The following ADK variants were observed in gnomAD, a reference collection of about 807,000 sequenced individuals.
ADK encodes N6,N6-dimethyladenosine kinase.
In ADK, 24 loss-of-function variants were observed where a neutral mutation model predicts 44.7. The observed-to-expected ratio is 0.54, with a 90% CI of 0.39 to 0.76. ADK has a LOEUF of 0.76. ADK is among the 30% of genes least tolerant of loss of function. The pLI is 0.00. For synonymous variants in ADK, 128 were observed against 142.6 expected (o/e 0.90, Z 0.73); for missense variants, 321 against 425.1 (o/e 0.76, Z 2.15).
intron 6 of ADK, among the ~76,000 whole-genome samples, chr10:74,400,227 A>G (rs762038228): frequency 5.3e-5 from 8 of 152,164 alleles, no homozygotes; most frequent in Non-Finnish European, 7.4e-5. Flanking sequence ...AATGGATTTC[A>G]GTTGTTATCT....
chr10:74,472,793 A>G (rs1292065061), intron 6 of ADK, among the ~76,000 whole-genome samples: 1 of 152,220 alleles, frequency 6.6e-6, no homozygotes, highest in Non-Finnish European at 1.5e-5. Context: ...AAGTGGTCTC[A>G]TATAAAGAAC....
intron 6 of ADK, among the ~76,000 whole-genome samples, chr10:74,524,387 ATGAT>A (rs112681699): frequency 0.03 from 4,513 of 152,264 alleles, 190 homozygotes; most frequent in African/African-American, 0.091. Flanking sequence ...GTAACAAGTT[ATGAT>A]TGATTGATTG....
intron 1 of ADK, among the ~76,000 whole-genome samples, chr10:74,172,564 C>T (rs967419331): frequency 1.3e-5 from 2 of 151,838 alleles, no homozygotes; most frequent in African/African-American, 4.8e-5. Context: ...TGGCACATGC[C>T]TATAATCCCA....
intron 4 of ADK, chr10:74,371,995 T>C (rs1320170465): frequency 2.5e-6 from 2 of 800,918 alleles, no homozygotes; most frequent in Non-Finnish European, 4.4e-6. Flanking sequence ...GATTCTCCTC[T>C]GCACTTTGTG....
chr10:74,307,108 C>T (rs1248067984), intron 3 of ADK, among the ~76,000 whole-genome samples: 5 of 152,134 alleles, frequency 3.3e-5, no homozygotes, highest in Non-Finnish European at 1.5e-5. Flanking sequence ...CCCCCAAACC[C>T]CAGTGGAAAT....
At chr10:74,346,566 G>A (rs1841772491) in intron 4 of ADK, among the ~76,000 whole-genome samples, 1 of 152,148 alleles carries the variant, frequency 6.6e-6, no homozygotes, top group Non-Finnish European at 1.5e-5. Context: ...GTTTCATAAT[G>A]TAAAAGAGCA....
chr10:74,337,055 A>G (rs555040803), intron 4 of ADK, among the ~76,000 whole-genome samples: 62 of 152,214 alleles, frequency 4.1e-4, no homozygotes, highest in Middle Eastern at 3.4e-3. Flanking sequence ...TTTTATTTTT[A>G]ATGAGAGTTA....
At chr10:74,370,473 C>A (rs901228402) in intron 4 of ADK, among the ~76,000 whole-genome samples, 9 of 152,098 alleles carry the variant, frequency 5.9e-5, no homozygotes, top group Non-Finnish European at 1.3e-4. Context: ...ATTAGGAAAT[C>A]AGAACTAGCT....
chr10:74,367,663 A>G (rs1479427784), intron 4 of ADK, among the ~76,000 whole-genome samples: 2 of 152,228 alleles, frequency 1.3e-5, no homozygotes, highest in African/African-American at 2.4e-5. Context: ...TTATGTGTTC[A>G]TTCCTCTCTG....
intron 7 of ADK, among the ~76,000 whole-genome samples, chr10:74,532,320 A>C (rs2133678365): frequency 6.6e-6 from 1 of 152,118 alleles, no homozygotes; most frequent in East Asian, 1.9e-4. Context: ...TCTACTAATA[A>C]TACACAAAAT....
chr10:74,650,993 A>G (rs1474489613), intron 9 of ADK, among the ~76,000 whole-genome samples: 4 of 152,232 alleles, frequency 2.6e-5, no homozygotes, highest in South Asian at 2.1e-4. Context: ...CCAGCAAAGT[A>G]TAAAGACTTG....
intron 1 of ADK, among the ~76,000 whole-genome samples, chr10:74,196,821 C>G (rs933243612): frequency 6.6e-6 from 1 of 152,128 alleles, no homozygotes; most frequent in Non-Finnish European, 1.5e-5. Flanking sequence ...TACCCCTTTA[C>G]TTAAAAAAGC....
chr10:74,308,191 G>A (rs1010053278), intron 3 of ADK, among the ~76,000 whole-genome samples: 1 of 152,128 alleles, frequency 6.6e-6, no homozygotes, highest in Non-Finnish European at 1.5e-5. Flanking sequence ...CATGTTCAGA[G>A]TTATAAATGG....
At chr10:74,165,659 A>T (rs1842016115) in intron 1 of ADK, among the ~76,000 whole-genome samples, 3 of 151,862 alleles carry the variant, frequency 2.0e-5, no homozygotes. Context: ...CACGTTCAGG[A>T]CCTCTGACTC....
intron 1 of ADK, among the ~76,000 whole-genome samples, chr10:74,181,873 G>A (rs1842570280): frequency 6.6e-6 from 1 of 152,172 alleles, no homozygotes; most frequent in South Asian, 2.1e-4. Context: ...GGGAATATTT[G>A]TTGTAGAGCT....
chr10:74,480,254 T>C (rs1318339954), intron 6 of ADK, among the ~76,000 whole-genome samples: 5 of 147,644 alleles, frequency 3.4e-5, no homozygotes, highest in African/African-American at 1.3e-4. Flanking sequence ...AGAGACAGAG[T>C]CTCACTCTGT....
chr10:74,689,085 T>C (rs1475873727), intron 10 of ADK, among the ~76,000 whole-genome samples: 1 of 151,800 alleles, frequency 6.6e-6, no homozygotes, highest in Non-Finnish European at 1.5e-5. Context: ...CCATCTCTAC[T>C]AAAAATACAA....
intron 10 of ADK, among the ~76,000 whole-genome samples, chr10:74,708,013 T>C (rs1303834815): frequency 1.3e-5 from 2 of 151,838 alleles, no homozygotes; most frequent in African/African-American, 4.8e-5. Context: ...TAGCTAGGCA[T>C]GGTGGTGCAT....
intron 3 of ADK, among the ~76,000 whole-genome samples, chr10:74,283,280 T>C (rs1398563905): frequency 1.3e-5 from 2 of 152,056 alleles, no homozygotes; most frequent in African/African-American, 4.8e-5. Context: ...GTTCTGAACC[T>C]ACTTCCTACC....
Sources: gnomAD v4.1 joint callset for allele counts (sites outside exome capture counted in the v4.1 genomes callset) on GRCh38, gnomAD v4.1.1 for gene constraint, MANE v1.5 for transcripts, NCBI Gene and HGNC (gene_info 2026-07-23, HGNC 2026-07-21) for gene names.